UNC5C: variants seen among roughly 807,000 people sequenced by gnomAD.
UNC5C encodes netrin receptor UNC5C.
UNC5C carries 47 observed loss-of-function variants against 99.8 expected under a neutral mutation model. The observed-to-expected ratio is 0.47, with a 90% CI of 0.37 to 0.60. The LOEUF (loss-of-function observed/expected upper bound fraction) is 0.60. UNC5C is among the 20% of genes least tolerant of loss of function. The pLI is 0.00. For missense variants in UNC5C, 1,062 were observed against 1,165.9 expected (o/e 0.91, Z 1.30); for synonymous variants, 487 against 452.2 (o/e 1.08, Z -0.98).
chr4:95,438,439 T>A (rs1216908064), intron 1 of UNC5C, among the ~76,000 whole-genome samples: 1 of 42,746 alleles, frequency 2.3e-5, no homozygotes, highest in Non-Finnish European at 6.7e-5. Flanking sequence ...ACGTCTCTTT[T>A]TGAAAATATC....
At chr4:95,181,491 A>G (rs1736609226) in intron 14 of UNC5C, among the ~76,000 whole-genome samples, 1 of 152,066 alleles carries the variant, frequency 6.6e-6, no homozygotes, top group African/African-American at 2.4e-5. Flanking sequence ...CCCCTCCAAA[A>G]TTCCGCAGCC....
At chr4:95,290,808 G>A (rs902468633) in intron 3 of UNC5C, among the ~76,000 whole-genome samples, 8 of 152,020 alleles carry the variant, frequency 5.3e-5, no homozygotes, top group East Asian at 1.9e-4. Context: ...TAAAGTTTTC[G>A]TTCTCTCTTA....
intron 7 of UNC5C, among the ~76,000 whole-genome samples, chr4:95,226,825 T>C (rs1472196617): frequency 2.7e-5 from 4 of 150,200 alleles, no homozygotes; most frequent in Admixed American, 6.6e-5. Flanking sequence ...GGGATGGTGT[T>C]TTTTTTTGGT....
chr4:95,503,116 A>C (rs1286654562), intron 1 of UNC5C, among the ~76,000 whole-genome samples: 1 of 152,118 alleles, frequency 6.6e-6, no homozygotes, highest in African/African-American at 2.4e-5. Context: ...CAGTATTGAC[A>C]GGTGGTCTTT....
intron 1 of UNC5C, among the ~76,000 whole-genome samples, chr4:95,435,570 T>C (rs977545765): frequency 6.6e-6 from 1 of 152,102 alleles, no homozygotes; most frequent in Admixed American, 6.6e-5. Flanking sequence ...CCAAGCTACA[T>C]AGCAATATAC....
At chr4:95,245,999 T>C (rs1739491000) in intron 5 of UNC5C, among the ~76,000 whole-genome samples, 1 of 152,242 alleles carries the variant, frequency 6.6e-6, no homozygotes, top group African/African-American at 2.4e-5. Flanking sequence ...AAGAAGTGTA[T>C]TAGCCATTCA....
chr4:95,182,836 A>C (rs1736667782), intron 14 of UNC5C, 61 bp downstream of exon 14: 299 of 1,541,800 alleles, frequency 1.9e-4, no homozygotes, highest in Non-Finnish European at 2.2e-4. Flanking sequence ...TTTAGCCCAC[A>C]CACTCTGTCT....
intron 1 of UNC5C, among the ~76,000 whole-genome samples, chr4:95,459,193 C>G (rs1007961887): frequency 6.6e-6 from 1 of 152,112 alleles, no homozygotes; most frequent in African/African-American, 2.4e-5. Flanking sequence ...CAAATATAAG[C>G]AACTCTTAAA....
intron 1 of UNC5C, among the ~76,000 whole-genome samples, chr4:95,438,816 G>T (rs1303810900): frequency 6.6e-6 from 1 of 152,086 alleles, no homozygotes; most frequent in Non-Finnish European, 1.5e-5. Context: ...TTTATTGATT[G>T]ATTTATTTGT....
At chr4:95,234,001 TG>T (rs1739006680) in intron 7 of UNC5C, among the ~76,000 whole-genome samples, 2 of 152,126 alleles carry the variant, frequency 1.3e-5, no homozygotes, top group African/African-American at 2.4e-5. Flanking sequence ...GTAATACAAT[TG>T]TATTTCAACT....
At chr4:95,329,879 C>G (rs972262175) in intron 2 of UNC5C, among the ~76,000 whole-genome samples, 6 of 152,110 alleles carry the variant, frequency 3.9e-5, no homozygotes, top group Admixed American at 6.6e-5. Context: ...TGAAACCAAC[C>G]AACCAACTGC....
intron 1 of UNC5C, among the ~76,000 whole-genome samples, chr4:95,408,340 G>T (rs1745883207): frequency 1.3e-5 from 2 of 152,124 alleles, no homozygotes; most frequent in Admixed American, 1.3e-4. Flanking sequence ...CTGTCTATAA[G>T]ATACCAAAAT....
chr4:95,292,236 C>CATATATATATATATAT (rs71583696), intron 3 of UNC5C, among the ~76,000 whole-genome samples: 4 of 88,744 alleles, frequency 4.5e-5, no homozygotes, highest in Non-Finnish European at 9.1e-5. Context: ...CACACACACA[C>CATATATATATATATAT]ATATATATAT....
Position 95,169,118 on chromosome 4 carries a change from T to G in UNC5C, c.*116A>C. ...GTTTTCCTTCTGGCTCCTGCTGCAG[T>G]CTTGCCTGTGAAGTGCATTGGTCTC... On this transcript the variant is annotated 3_prime_UTR_variant, in exon 16 of 16. Transcript: ENST00000453304. 7.5e-7 allele frequency: 1 copy of G among 1,324,886 alleles called. No individual in the cohort carries two copies. Among genetic ancestry groups the G allele is most frequent in the Non-Finnish European group, 1.0e-6 (1 of 953,496 alleles). The allele number at this position is 1,324,886 out of a possible 1,614,324, so 82.1% of individuals were successfully genotyped here.
intron 3 of UNC5C, among the ~76,000 whole-genome samples, chr4:95,286,706 TCTAA>T (rs1741245444): frequency 6.6e-6 from 1 of 152,188 alleles, no homozygotes; most frequent in South Asian, 2.1e-4. Context: ...GTCTTTTGTT[TCTAA>T]CTTTTAATGG....
chr4:95,211,983 A>G (rs2149364469), intron 10 of UNC5C, among the ~76,000 whole-genome samples: 1 of 152,270 alleles, frequency 6.6e-6, no homozygotes, highest in Non-Finnish European at 1.5e-5. Flanking sequence ...ATGAGAAAGG[A>G]CTCTACTAAA....
intron 1 of UNC5C, among the ~76,000 whole-genome samples, chr4:95,431,470 TAGGA>T (rs1746633040): frequency 6.6e-6 from 1 of 152,086 alleles, no homozygotes. Context: ...AATATATTCT[TAGGA>T]AGGATAAAAA....
intron 1 of UNC5C, among the ~76,000 whole-genome samples, chr4:95,461,284 A>G (rs1747592003): frequency 6.6e-6 from 1 of 152,196 alleles, no homozygotes; most frequent in Admixed American, 6.5e-5. Flanking sequence ...TTAAGATGTG[A>G]TACAGTCCTT....
chr4:95,366,641 G>T (rs1744580772), intron 1 of UNC5C, among the ~76,000 whole-genome samples: 1 of 152,156 alleles, frequency 6.6e-6, no homozygotes, highest in Admixed American at 6.5e-5. Context: ...ACATAAAATT[G>T]CTAGTTGCAA....
Sources: gnomAD v4.1 joint callset for allele counts (sites outside exome capture counted in the v4.1 genomes callset) on GRCh38, gnomAD v4.1.1 for gene constraint, MANE v1.5 for transcripts, NCBI Gene and HGNC (gene_info 2026-07-23, HGNC 2026-07-21) for gene names.